The following PTPRD variants were observed in gnomAD, a reference collection of about 807,000 sequenced individuals.
The protein encoded by PTPRD is receptor-type tyrosine-protein phosphatase delta.
In PTPRD, 34 loss-of-function variants were observed where a neutral mutation model predicts 214.5. The ratio of observed to expected loss-of-function variants is 0.16; its 90% CI spans 0.12 to 0.21. The LOEUF is 0.21. Ranked by LOEUF, PTPRD falls within the 10% of genes least tolerant of loss-of-function variation. PTPRD has a pLI of 1.00. For missense variants in PTPRD, 2,545 were observed against 2,398.7 expected, an observed-to-expected ratio of 1.06 and a Z score of -1.27; for synonymous variants, 1,128 against 845.7, an observed-to-expected ratio of 1.33 and a Z score of -5.79.
chr9:8,824,129 G>T (rs10815963), intron 11 of PTPRD, among the ~76,000 whole-genome samples: 18,476 of 152,144 alleles, frequency 0.12, 1,375 homozygotes, highest in East Asian at 0.28. Context: ...TTATTAGCAA[G>T]GTTTTCATGG....
intron 9 of PTPRD, among the ~76,000 whole-genome samples, chr9:9,272,666 TTTTCTG>T (rs1344499331): frequency 1.5e-4 from 22 of 151,414 alleles, no homozygotes; most frequent in African/African-American, 4.6e-4. Flanking sequence ...ATTTTGAGAC[TTTTCTG>T]TCACCAGACT....
chr9:8,704,585 G>T (rs2098161957), intron 12 of PTPRD, among the ~76,000 whole-genome samples: 1 of 152,082 alleles, frequency 6.6e-6, no homozygotes, highest in Non-Finnish European at 1.5e-5. Flanking sequence ...TATGAAAGTT[G>T]TCTGTACACT....
intron 35 of PTPRD, 82 bp from the exon 36 acceptor site, chr9:8,404,742 A>G (rs2130608403): frequency 6.2e-6 from 9 of 1,457,672 alleles, no homozygotes; most frequent in Non-Finnish European, 8.2e-6. Context: ...TGTAATAAAC[A>G]TGATTTAAAA....
intron 2 of PTPRD, among the ~76,000 whole-genome samples, chr9:10,422,664 G>C (rs1056602454): frequency 7.2e-5 from 11 of 151,906 alleles, no homozygotes; most frequent in African/African-American, 2.7e-4. Flanking sequence ...ACACACTTCT[G>C]AAAAGAAGAC....
At chr9:8,920,736 A>G (rs986055128) in intron 11 of PTPRD, among the ~76,000 whole-genome samples, 4 of 152,374 alleles carry the variant, frequency 2.6e-5, no homozygotes, top group Admixed American at 1.3e-4. Flanking sequence ...CGCAATTGAT[A>G]TAAGACAGAA....
intron 7 of PTPRD, among the ~76,000 whole-genome samples, chr9:9,649,460 T>C (rs182248568): frequency 6.6e-6 from 1 of 152,234 alleles, no homozygotes. Context: ...AAAGAAACAC[T>C]GGGAAATTAA....
intron 7 of PTPRD, among the ~76,000 whole-genome samples, chr9:9,706,327 T>C (rs2097605978): frequency 6.6e-6 from 1 of 152,192 alleles, no homozygotes; most frequent in Admixed American, 6.5e-5. Context: ...CATACGTACA[T>C]TGATTTATTT....
intron 11 of PTPRD, among the ~76,000 whole-genome samples, chr9:8,845,207 T>C (rs2097665646): frequency 6.6e-6 from 1 of 152,006 alleles, no homozygotes; most frequent in Non-Finnish European, 1.5e-5. Context: ...CAATTCTGTG[T>C]TCCTCTGAGA....
intron 21 of PTPRD, among the ~76,000 whole-genome samples, chr9:8,513,948 C>G (rs2097732645): frequency 6.6e-6 from 1 of 152,078 alleles, no homozygotes; most frequent in African/African-American, 2.4e-5. Context: ...ATGGAAGATT[C>G]TTGGAAACAT....
chr9:9,211,284 C>T (rs765861472), intron 9 of PTPRD, among the ~76,000 whole-genome samples: 1 of 152,072 alleles, frequency 6.6e-6, no homozygotes, highest in African/African-American at 2.4e-5. Context: ...GGCTCTGAGA[C>T]CTCAGCCATA....
At chr9:10,449,981 C>G (rs375857962) in intron 2 of PTPRD, among the ~76,000 whole-genome samples, 3 of 151,622 alleles carry the variant, frequency 2.0e-5, no homozygotes, top group Non-Finnish European at 4.4e-5. Context: ...TGTGTCCACT[C>G]AGGGTTAAAT....
chr9:8,511,709 A>C (rs1196489156), intron 21 of PTPRD, among the ~76,000 whole-genome samples: 5 of 152,178 alleles, frequency 3.3e-5, no homozygotes, highest in East Asian at 1.9e-4. Flanking sequence ...AAGAAGCAAA[A>C]ATTTTTCTTT....
intron 9 of PTPRD, among the ~76,000 whole-genome samples, chr9:9,349,920 C>T (rs144239468): frequency 6.6e-6 from 1 of 152,208 alleles, no homozygotes; most frequent in Admixed American, 6.6e-5. Context: ...GAAGCACTGT[C>T]TATATTTAAC....
At chr9:10,440,019 T>A (rs990408825) in intron 2 of PTPRD, among the ~76,000 whole-genome samples, 12 of 151,160 alleles carry the variant, frequency 7.9e-5, no homozygotes, top group African/African-American at 2.7e-4. Context: ...ATAACAATAA[T>A]AAAAATATAT....
intron 5 of PTPRD, among the ~76,000 whole-genome samples, chr9:9,827,755 TC>T (rs2153593932): frequency 6.6e-6 from 1 of 152,134 alleles, no homozygotes; most frequent in Admixed American, 6.6e-5. Context: ...TGCAATCTAC[TC>T]ATCTGACAAA....
intron 2 of PTPRD, among the ~76,000 whole-genome samples, chr9:10,419,134 T>G (rs572232117): frequency 1.3e-5 from 2 of 151,912 alleles, no homozygotes; most frequent in African/African-American, 4.8e-5. Flanking sequence ...CAAAACTTCA[T>G]AGCAATAAAA....
chr9:8,599,034 G>C (rs891166595), intron 14 of PTPRD, among the ~76,000 whole-genome samples: 2 of 152,156 alleles, frequency 1.3e-5, no homozygotes, highest in African/African-American at 4.8e-5. Context: ...GTCCTGGGAA[G>C]GACCCGGTGG....
At chr9:10,175,243 C>A (rs1348952934) in intron 3 of PTPRD, among the ~76,000 whole-genome samples, 1 of 151,942 alleles carries the variant, frequency 6.6e-6, no homozygotes, top group Middle Eastern at 3.2e-3. Flanking sequence ...AAATTTCAGT[C>A]TCTTCCCTTG....
intron 10 of PTPRD, among the ~76,000 whole-genome samples, chr9:9,147,094 A>G (rs1199583197): frequency 1.3e-5 from 2 of 152,210 alleles, no homozygotes; most frequent in African/African-American, 4.8e-5. Context: ...GTATGAGATT[A>G]GACCTGTTAA....
Sources: gnomAD v4.1 joint callset for allele counts (sites outside exome capture counted in the v4.1 genomes callset) on GRCh38, gnomAD v4.1.1 for gene constraint, MANE v1.5 for transcripts, NCBI Gene and HGNC (gene_info 2026-07-23, HGNC 2026-07-21) for gene names.